Variants in TBC1D4 observed in about 807,000 individuals in gnomAD.
TBC1D4 encodes the protein TBC1 domain family member 4, also known as TBC (Tre-2, BUB2, CDC16) domain-containing protein.
Under a neutral mutation model 142.5 loss-of-function variants are expected in TBC1D4, and 121 were observed. That is an observed-to-expected ratio of 0.85 (90% CI 0.73 to 0.99). TBC1D4 has a LOEUF of 0.99. TBC1D4 is among the 50% of genes least tolerant of loss of function. The pLI is 0.00. For missense variants in TBC1D4, 1,475 were observed against 1,606.6 expected (o/e 0.92, Z 1.40); for synonymous variants, 630 against 628.2 (o/e 1.00, Z -0.04).
intron 1 of TBC1D4, among the ~76,000 whole-genome samples, chr13:75,449,551 AC>A (rs1887443849): frequency 2.0e-5 from 3 of 151,070 alleles, no homozygotes; most frequent in Admixed American, 2.0e-4. Flanking sequence ...ACACACACAC[AC>A]ACAGACGCGC....
intron 5 of TBC1D4, among the ~76,000 whole-genome samples, chr13:75,344,023 T>G (rs1880945231): frequency 6.6e-6 from 1 of 151,632 alleles, no homozygotes; most frequent in Admixed American, 6.6e-5. Context: ...GTATTTTTAG[T>G]AGAGACGGAG....
rs1042112056 is a variant in TBC1D4, at chr13:75,476,669, T to C, written c.498+4601A>G. ...GAGTCAAATATTATTTCTCCTCACA[T>C]TCCACTTGAACTTTCAAGTCTGAGA... is the stretch of plus-strand genomic sequence containing the variant. On this transcript the variant is annotated intron_variant, in intron 1 of 20. Coordinates refer to ENST00000377636, the MANE Select transcript of TBC1D4 (RefSeq NM_014832.5). 2.6e-5 allele frequency among the ~76,000 whole-genome samples: 4 copies of C among 152,220 alleles called. No individual in the cohort carries two copies. In the South Asian group the frequency reaches 6.2e-4, roughly 24 times the overall value.
intron 7 of TBC1D4, 128 bp from the exon 8 acceptor site, chr13:75,337,168 T>C: frequency 1.2e-6 from 1 of 810,952 alleles, no homozygotes; most frequent in Non-Finnish European, 2.0e-6. Flanking sequence ...TAATAAGTAA[T>C]AATTTAGGTC....
chr13:75,369,466 T>A (rs911122901), intron 1 of TBC1D4, among the ~76,000 whole-genome samples: 6 of 151,550 alleles, frequency 4.0e-5, no homozygotes, highest in African/African-American at 1.5e-4. Flanking sequence ...CACTGCATTA[T>A]ATAGCCTGGG....
chr13:75,302,156 G>C, intron 16 of TBC1D4, 87 bp downstream of exon 16: 8 of 1,532,082 alleles, frequency 5.2e-6, no homozygotes, highest in Non-Finnish European at 7.2e-6. Context: ...CTCTTTATCA[G>C]CACCAAGAAC....
chr13:75,300,186 T>C (rs1002819589), intron 16 of TBC1D4, among the ~76,000 whole-genome samples: 3 of 152,212 alleles, frequency 2.0e-5, no homozygotes, highest in African/African-American at 7.2e-5. Context: ...ACCACTTTTC[T>C]TTTTCAATAT....
At chr13:75,438,064 T>C (rs1433108501) in intron 1 of TBC1D4, among the ~76,000 whole-genome samples, 1 of 152,230 alleles carries the variant, frequency 6.6e-6, no homozygotes, top group African/African-American at 2.4e-5. Context: ...AATTTTCCAA[T>C]GTCATAAACG....
intron 1 of TBC1D4, among the ~76,000 whole-genome samples, chr13:75,377,789 C>T (rs1367620296): frequency 6.6e-6 from 1 of 150,410 alleles, no homozygotes; most frequent in Non-Finnish European, 1.5e-5. Context: ...TATATTAAAC[C>T]AGGATCTTTC....
chr13:75,442,129 T>C (rs1356281368), intron 1 of TBC1D4, among the ~76,000 whole-genome samples: 1 of 152,146 alleles, frequency 6.6e-6, no homozygotes, highest in Non-Finnish European at 1.5e-5. Context: ...TCCTCAATAA[T>C]ATAGGGTAAC....
At chr13:75,356,315 T>C (rs1882045174) in intron 3 of TBC1D4, 64 bp from the exon 4 acceptor site, 3 of 1,154,182 alleles carry the variant, frequency 2.6e-6, no homozygotes, top group Admixed American at 1.9e-5. Context: ...CTCAACAATA[T>C]GGAAAGCAAC....
In TBC1D4 at chr13:75,324,238, T is replaced by C. The variant is rs981132980; in HGVS notation, c.2197A>G (p.Arg733Gly). The change falls in exon 11 of 21, where the codon AGA becomes GGA. Residue 733 changes from arginine to glycine, a missense_variant and splice_region_variant. Coordinates refer to ENST00000377636, the MANE Select transcript of TBC1D4 (RefSeq NM_014832.5). ...GCAAACAGAGGACACTGATCTCACC[T>C]GATTTCATTTTCATACTGTGGGGAC... is the stretch of plus-strand genomic sequence containing the variant. ...RLSPQYENEI[R>G]QDTASESSDG... 6.2e-7 allele frequency: 1 copy of C among 1,613,828 alleles called. No homozygotes were observed. Among genetic ancestry groups the C allele is most frequent in the African/African-American group, 1.3e-5 (1 of 75,054 alleles).
intron 12 of TBC1D4, among the ~76,000 whole-genome samples, chr13:75,319,631 A>C (rs1468863011): frequency 6.6e-6 from 1 of 152,200 alleles, no homozygotes; most frequent in Admixed American, 6.5e-5. Context: ...CGTTTCTTTT[A>C]GGATGCTCAT....
In TBC1D4 at chr13:75,421,875, T is replaced by TGA. The variant is rs1566478638; in HGVS notation, c.499-59269_499-59268insTC. Among the ~76,000 whole-genome samples, 3 of 4,050 alleles carry TGA rather than the reference T, an allele frequency of 7.4e-4. No individual in the cohort carries two copies. The East Asian group carries it at 0.028, about 38-fold the overall frequency. The allele number at this position is 4,050 out of a possible 152,430, so 2.7% of individuals were successfully genotyped here. ...ACTGATACTGAGATGAAGCAATCCC[T>TGA]TATTTCATCAAATGTTCCACAAATC... On this transcript the variant is annotated intron_variant, in intron 1 of 20. Coordinates refer to ENST00000377636, the MANE Select transcript of TBC1D4 (RefSeq NM_014832.5).
At chr13:75,477,477 AATC>A (rs1170035206) in intron 1 of TBC1D4, among the ~76,000 whole-genome samples, 1 of 152,220 alleles carries the variant, frequency 6.6e-6, no homozygotes, top group Non-Finnish European at 1.5e-5. Flanking sequence ...ACATTATAAC[AATC>A]ATGTTTTTAC....
At chr13:75,481,195 T>TCG in intron 1 of TBC1D4, 75 bp downstream of exon 1, 29 of 1,292,706 alleles carry the variant, frequency 2.2e-5, no homozygotes, top group Non-Finnish European at 2.8e-5. Flanking sequence ...TAAAGTGGGG[T>TCG]CCCCGCCCCT....
At chr13:75,407,372 C>G (rs934205343) in intron 1 of TBC1D4, among the ~76,000 whole-genome samples, 1 of 152,188 alleles carries the variant, frequency 6.6e-6, no homozygotes, top group Non-Finnish European at 1.5e-5. Context: ...CTTCCTCAAA[C>G]AGCCGGAAAG....
Position 75,302,511 on chromosome 13 carries a change from T to C in TBC1D4, c.2753-110A>G, listed in dbSNP as rs78603148. 8,909 of 1,243,424 alleles carry C rather than the reference T, an allele frequency of 7.2e-3. 87 individuals are homozygous for C. The highest frequency in any genetic ancestry group is 7.2e-3 in the Non-Finnish European group (6,226 of 863,876). 77.0% of individuals were successfully genotyped at this position (1,243,424 alleles called of 1,614,324 possible). On this transcript the variant is annotated intron_variant, in intron 15 of 20. Transcript: ENST00000377636. ...TAAACAGGCAGCTGTATGTACTGCA[T>C]GCCACCCTAAGACCACACAATATAA...
At chr13:75,339,409 T>C (rs1880490139) in intron 7 of TBC1D4, among the ~76,000 whole-genome samples, 1 of 152,066 alleles carries the variant, frequency 6.6e-6, no homozygotes, top group Non-Finnish European at 1.5e-5. Flanking sequence ...TTGAAATCCT[T>C]CCATGACAAA....
In TBC1D4 at chr13:75,466,907, AC is replaced by A. The variant is rs542711156; in HGVS notation, c.498+14362del. ...TAATAATTTAAAAATTAAAAAAAAA[AC>A]ATCTGAAAAATGTAAGCAGCCAAAA... On this transcript the variant is annotated intron_variant, in intron 1 of 20. Transcript: ENST00000377636. Among the ~76,000 whole-genome samples, 976 of 152,092 alleles carry A rather than the reference AC, an allele frequency of 6.4e-3. 5 individuals are homozygous for A. The highest frequency in any genetic ancestry group is 0.016 in the African/African-American group (655 of 41,512).
Sources: allele counts gnomAD v4.1 joint callset (sites outside exome capture counted in the v4.1 genomes callset), GRCh38; gene constraint gnomAD v4.1.1; transcripts MANE v1.5; gene names NCBI Gene and HGNC (gene_info 2026-07-23, HGNC 2026-07-21).